Variants in KHDRBS2 observed in about 807,000 individuals in gnomAD.
KHDRBS2 encodes the protein KH RNA binding domain containing, signal transduction associated 2.
KHDRBS2 carries 26 observed loss-of-function variants against 44.3 expected under a neutral mutation model. The observed-to-expected ratio is 0.59, with a 90% CI of 0.43 to 0.81. The LOEUF is 0.81. KHDRBS2 is among the 40% of genes least tolerant of loss of function. KHDRBS2 has a pLI of 0.00. For synonymous variants in KHDRBS2, 194 were observed against 151.1 expected (o/e 1.28, Z -2.08); for missense variants, 476 against 433.1 (o/e 1.10, Z -0.88).
the KHDRBS2 span, among the ~76,000 whole-genome samples, chr6:61,617,512 G>A: frequency 6.6e-6 from 1 of 151,924 alleles, no homozygotes; most frequent in Non-Finnish European, 1.5e-5. Context: ...CTAATATCTT[G>A]TAAACCAGAT....
intron 6 of KHDRBS2, among the ~76,000 whole-genome samples, chr6:61,767,245 A>T (rs1372588071): frequency 6.6e-6 from 1 of 151,842 alleles, no homozygotes; most frequent in Non-Finnish European, 1.5e-5. Flanking sequence ...CTTGAAATCT[A>T]TTTCATTTAG....
intron 7 of KHDRBS2, among the ~76,000 whole-genome samples, chr6:61,723,382 G>A (rs1451445132): frequency 6.6e-6 from 1 of 152,118 alleles, no homozygotes; most frequent in Non-Finnish European, 1.5e-5. Context: ...TGCTGAGGCT[G>A]AAATGGCTGA....
chr6:61,892,293 G>A (rs969438430), intron 6 of KHDRBS2, among the ~76,000 whole-genome samples: 1 of 152,156 alleles, frequency 6.6e-6, no homozygotes, highest in African/African-American at 2.4e-5. Context: ...TCATGGGTAG[G>A]AAGACTCAAT....
At chr6:61,883,280 C>T (rs1318779221) in intron 6 of KHDRBS2, among the ~76,000 whole-genome samples, 9 of 151,948 alleles carry the variant, frequency 5.9e-5, no homozygotes, top group Non-Finnish European at 1.2e-4. Context: ...TGCTGTCCTC[C>T]CCGTGTCTAC....
At chr6:62,271,426 A>C (rs1190730194) in intron 1 of KHDRBS2, among the ~76,000 whole-genome samples, 2 of 151,738 alleles carry the variant, frequency 1.3e-5, no homozygotes, top group African/African-American at 4.9e-5. Context: ...GATAATAATA[A>C]ATGTGTTACT....
rs74541237 is a variant in KHDRBS2, at chr6:62,146,278, C to T, written c.219+30907G>A. Among the ~76,000 whole-genome samples, 97 of 151,946 alleles carry T rather than the reference C, an allele frequency of 6.4e-4. 1 individual carries two copies. Among genetic ancestry groups the T allele is most frequent in the African/African-American group, 2.3e-3 (95 of 41,532 alleles). On this transcript the variant is annotated intron_variant, in intron 2 of 8. Coordinates refer to ENST00000281156, the MANE Select transcript of KHDRBS2 (RefSeq NM_152688.4). ...TCTGCTATAGCTTTTAAACTTTCCT[C>T]GCTACCTGTTTCCATAATCTCTCTC...
chr6:61,684,748 C>T (rs1766645698), intron 8 of KHDRBS2, among the ~76,000 whole-genome samples: 1 of 151,572 alleles, frequency 6.6e-6, no homozygotes, highest in East Asian at 2.0e-4. Context: ...AACTATACGC[C>T]AAATTGAAAT....
At chr6:62,279,854 G>C (rs939392421) in intron 1 of KHDRBS2, among the ~76,000 whole-genome samples, 11 of 152,180 alleles carry the variant, frequency 7.2e-5, no homozygotes, top group Non-Finnish European at 1.2e-4. Context: ...CCAACAGGGG[G>C]CTGGTTCTCA....
chr6:61,769,815 C>T (rs368422083), intron 6 of KHDRBS2, among the ~76,000 whole-genome samples: 2 of 152,326 alleles, frequency 1.3e-5, no homozygotes, highest in Admixed American at 1.3e-4. Context: ...AAATGTCCCT[C>T]TCTGACAGCT....
intron 6 of KHDRBS2, among the ~76,000 whole-genome samples, chr6:61,848,482 T>TATATAC (rs1794769556): frequency 2.1e-5 from 1 of 48,708 alleles, no homozygotes; most frequent in Non-Finnish European, 3.5e-5. Flanking sequence ...TATATATATA[T>TATATAC]ATATATATGT....
At chr6:61,646,612 A>ACT in the KHDRBS2 span, among the ~76,000 whole-genome samples, 3 of 152,158 alleles carry the variant, frequency 2.0e-5, no homozygotes, top group Non-Finnish European at 4.4e-5. Context: ...GTTGTGAAGA[A>ACT]CATAGCCTCT....
chr6:61,725,582 A>G (rs1773416887), intron 7 of KHDRBS2, among the ~76,000 whole-genome samples: 2 of 152,154 alleles, frequency 1.3e-5, no homozygotes, highest in Non-Finnish European at 2.9e-5. Flanking sequence ...AAAGAATCAA[A>G]TAAACACAAT....
the KHDRBS2 span, among the ~76,000 whole-genome samples, chr6:61,619,215 C>A: frequency 6.6e-6 from 1 of 151,762 alleles, no homozygotes; most frequent in Non-Finnish European, 1.5e-5. Context: ...CACCCATCAC[C>A]CAAGTAGTGT....
chr6:61,654,155 C>G, the KHDRBS2 span, among the ~76,000 whole-genome samples: 1 of 152,012 alleles, frequency 6.6e-6, no homozygotes, highest in Non-Finnish European at 1.5e-5. Flanking sequence ...CCCTATCATT[C>G]TTTGTGAGTT....
chr6:61,985,715 C>G (rs1774936817), intron 3 of KHDRBS2, among the ~76,000 whole-genome samples: 1 of 152,082 alleles, frequency 6.6e-6, no homozygotes, highest in African/African-American at 2.4e-5. Context: ...AAACAATAGG[C>G]AACATTAGAC....
In KHDRBS2 at chr6:61,818,587, T is replaced by C. The variant is rs79264526; in HGVS notation, c.810+76048A>G. 8.0e-4 allele frequency among the ~76,000 whole-genome samples: 121 copies of C among 152,108 alleles called. 1 individual carries two copies. The highest frequency in any genetic ancestry group is 2.8e-3 in the African/African-American group (117 of 41,554). On this transcript the variant is annotated intron_variant, in intron 6 of 8. Coordinates refer to ENST00000281156, the MANE Select transcript of KHDRBS2 (RefSeq NM_152688.4). ...AGAAATGCACTTCAAGATCATGTTG[T>C]TGTTCCACGTTCACCACACATTTTT...
chr6:61,899,511 C>T (rs560576583), intron 5 of KHDRBS2, among the ~76,000 whole-genome samples: 19 of 151,786 alleles, frequency 1.3e-4, no homozygotes, highest in South Asian at 6.2e-4. Context: ...AATTTTTCTT[C>T]TAAGAAGATA....
At chr6:61,776,147 G>A (rs1344731747) in intron 6 of KHDRBS2, among the ~76,000 whole-genome samples, 2 of 152,072 alleles carry the variant, frequency 1.3e-5, no homozygotes, top group Non-Finnish European at 2.9e-5. Context: ...AATTCAAGAT[G>A]GATCAAAGAC....
intron 7 of KHDRBS2, among the ~76,000 whole-genome samples, chr6:61,719,786 T>C (rs1274894303): frequency 6.6e-6 from 1 of 152,000 alleles, no homozygotes; most frequent in African/African-American, 2.4e-5. Context: ...TATTTATTTA[T>C]TATTATTATA....
Sources: allele counts gnomAD v4.1 joint callset (sites outside exome capture counted in the v4.1 genomes callset), GRCh38; gene constraint gnomAD v4.1.1; transcripts MANE v1.5; gene names NCBI Gene and HGNC (gene_info 2026-07-23, HGNC 2026-07-21).